PPID: variants seen among roughly 807,000 people sequenced by gnomAD.
PPID encodes peptidyl-prolyl cis-trans isomerase D.
Under a neutral mutation model 48.1 loss-of-function variants are expected in PPID, and 47 were observed. That is an observed-to-expected ratio of 0.98 (90% CI 0.77 to 1.25). PPID has a LOEUF of 1.25. Ranked by LOEUF, PPID falls within the 50% of genes most tolerant of loss-of-function variation. The pLI, the probability that PPID is intolerant of heterozygous loss-of-function variation, is 0.00. For missense variants in PPID, 429 were observed against 443.5 expected, an observed-to-expected ratio of 0.97 and a Z score of 0.29; for synonymous variants, 163 against 148.8, an observed-to-expected ratio of 1.10 and a Z score of -0.69.
Position 158,721,425 on chromosome 4 carries a change from A to G in PPID, c.144T>C (p.Phe48=), listed in dbSNP as rs1313424698. 3 of 1,614,042 alleles carry G rather than the reference A, an allele frequency of 1.9e-6. No individual in the cohort carries two copies. The African/African-American group carries it at 4.0e-5, about 22-fold the overall frequency. ...CTTTTTCTCCTGTACACAGTGCACG[A>G]AAATTTTCCGCAGTTTTGGGTACGA... ...ADIVPKTAEN[F]RALCTGEKGI... Residue 48 remains phenylalanine, a synonymous_variant, in exon 2 of 10, where the codon TTT becomes TTC. Coordinates refer to ENST00000307720, the MANE Select transcript of PPID (RefSeq NM_005038.3).
rs183376350 is a variant in PPID at position 158,723,338 on chromosome 4, G to A, written c.-50C>T. 1.2e-5 allele frequency: 19 copies of A among 1,550,814 alleles called. No individual in the cohort carries two copies. In the African/African-American group the frequency reaches 1.6e-4, roughly 13 times the overall value. ...CGGAATATCAGAGTACCTAGTGGCC[G>A]CCCGGGCCGCCCAAACTCCAGAGTC... On this transcript the variant is annotated 5_prime_UTR_variant, in exon 1 of 10. Transcript: ENST00000307720.
At chr4:158,709,943 C>A in intron 9 of PPID, 119 bp from the exon 10 acceptor site, 1 of 701,740 alleles carries the variant, frequency 1.4e-6, no homozygotes, top group Non-Finnish European at 2.3e-6. Context: ...AGTAACTAAG[C>A]CCTAGTAACA....
intron 9 of PPID, chr4:158,710,266 A>G: frequency 2.7e-6 from 1 of 365,900 alleles, no homozygotes; most frequent in South Asian, 3.5e-5. Flanking sequence ...TAAATTTACC[A>G]TGAATACTGT....
At chr4:158,711,820 A>C (rs1774795278) in intron 7 of PPID, among the ~76,000 whole-genome samples, 8 of 152,112 alleles carry the variant, frequency 5.3e-5, no homozygotes, top group Admixed American at 5.2e-4. Flanking sequence ...TTTAAAAATC[A>C]GCTGGGTATG....
In PPID at chr4:158,709,812, T is replaced by C; in HGVS notation, c.1037A>G (p.Glu346Gly). The C allele has an allele frequency of 6.2e-7, 1 of 1,608,910 alleles. No individual in the cohort carries two copies. The highest frequency in any genetic ancestry group is 1.1e-5 in the South Asian group (1 of 90,928). Reference sequence around the variant, plus strand: ...TATCTTTTGTTTGACTTTCAGCAATTCTGCCTGGATAGCTGTAAAATAAAT... The same window carrying C: ...TATCTTTTGTTTGACTTTCAGCAATCCTGCCTGGATAGCTGTAAAATAAAT... ...IAPEDKAIQAELLKVKQKIKA... is the reference protein window; with the variant it reads ...IAPEDKAIQAGLLKVKQKIKA... The change falls in exon 10 of 10, where the codon GAA becomes GGA. Residue 346 changes from glutamate to glycine, a missense_variant. Transcript: ENST00000307720.
intron 6 of PPID, 73 bp downstream of exon 6, chr4:158,715,224 T>C: frequency 8.2e-7 from 1 of 1,216,564 alleles, no homozygotes; most frequent in Non-Finnish European, 1.1e-6. Context: ...AAAAATATAA[T>C]GAGCAATTCT....
At chr4:158,716,297 A>G (rs760818580) in intron 4 of PPID, among the ~76,000 whole-genome samples, 20 of 152,114 alleles carry the variant, frequency 1.3e-4, no homozygotes, top group African/African-American at 1.9e-4. Flanking sequence ...GTCTAAACCC[A>G]TAAGTAATTT....
intron 3 of PPID, among the ~76,000 whole-genome samples, chr4:158,717,653 G>A (rs778969585): frequency 9.2e-5 from 14 of 152,166 alleles, no homozygotes; most frequent in Non-Finnish European, 1.9e-4. Flanking sequence ...TACAGTATAA[G>A]TCTTCCTTTA....
rs143598550 is a variant in PPID, at chr4:158,715,980, T to C, written c.523-296A>G. ...AGCTTCCGGTTTACTACTATTCTTG[T>C]CATACACTGAGTGACAGCCTACCTC... On this transcript the variant is annotated intron_variant, in intron 4 of 9. Coordinates refer to ENST00000307720, the MANE Select transcript of PPID (RefSeq NM_005038.3). 3.5e-3 allele frequency among the ~76,000 whole-genome samples: 536 copies of C among 152,348 alleles called. 3 individuals are homozygous for C. Among genetic ancestry groups the C allele is most frequent in the African/African-American group, 0.012 (503 of 41,582 alleles).
intron 9 of PPID, chr4:158,710,411 A>T: frequency 1.7e-6 from 1 of 602,016 alleles, no homozygotes; most frequent in East Asian, 2.8e-5. Flanking sequence ...AACGTGAAAA[A>T]CTACTATATT....
chr4:158,715,586 CT>C lies in PPID; in HGVS notation c.620del (p.Glu207GlyfsTer5). The C allele has an allele frequency of 6.2e-7, 1 of 1,613,966 alleles. No homozygotes were observed. Among genetic ancestry groups the C allele is most frequent in the Non-Finnish European group, 8.5e-7 (1 of 1,179,852 alleles). On this transcript the variant is annotated frameshift_variant, in exon 5 of 10. Transcript: ENST00000307720. LOFTEE classifies it high-confidence loss of function. ...GSGDSHPDFP[E>X]DADIDLKDVD... ...CATCTTTTAAATCTATATCCGCATC[CT>C]CAGGGAAATCTGGATGACTGTCGCC...
intron 1 of PPID, 63 bp downstream of exon 1, chr4:158,723,141 C>A (rs1402433057): frequency 2.7e-6 from 4 of 1,484,594 alleles, no homozygotes; most frequent in African/African-American, 1.4e-5. Context: ...CCCTTGGAAT[C>A]CCCCAAATCC....
At position 158,715,615 on chromosome 4, in the gene PPID, A is replaced by G. The variant is rs763894272; in HGVS notation, c.592T>C (p.Ser198Pro). ...DDGGIFPKDG[S>P]GDSHPDFPED... Reference sequence around the variant, plus strand: ...GGGAAATCTGGATGACTGTCGCCAGAGCCATCTTTTGGGAATATTCCCCCG... The same window carrying G: ...GGGAAATCTGGATGACTGTCGCCAGGGCCATCTTTTGGGAATATTCCCCCG... The change falls in exon 5 of 10, where the codon TCT becomes CCT. Residue 198 changes from serine (S) to proline (P), a missense_variant. Transcript: ENST00000307720. The G allele has an allele frequency of 9.3e-6, 15 of 1,613,540 alleles. No homozygotes were observed. The highest frequency in any genetic ancestry group is 3.3e-5 in the Admixed American group (2 of 60,032).
At chr4:158,721,320 A>G (rs1446179755) in intron 2 of PPID, 23 bp downstream of exon 2, 25 of 1,610,658 alleles carry the variant, frequency 1.6e-5, no homozygotes, top group Non-Finnish European at 2.0e-5. Flanking sequence ...AAGAATAACA[A>G]GATTAAGAAA....
chr4:158,709,885 A>G, intron 9 of PPID, 61 bp from the exon 10 acceptor site: 1 of 1,381,014 alleles, frequency 7.2e-7, no homozygotes, highest in Non-Finnish European at 1.0e-6. Context: ...TATGGTGACT[A>G]ACAAACTATT....
rs142524287 is a variant in PPID, at chr4:158,713,925, T to G, written c.753-665A>C. 9.2e-3 allele frequency among the ~76,000 whole-genome samples: 1,402 copies of G among 152,104 alleles called. 16 individuals carry two copies. The highest frequency in any genetic ancestry group is 0.031 in the African/African-American group (1,290 of 41,482). ...TGAAAACTACCCATAAGATATCCTC[T>G]AGTCCCTGCTACTTGGGAAGGTGAG... On this transcript the variant is annotated intron_variant, in intron 6 of 9. Coordinates refer to ENST00000307720, the MANE Select transcript of PPID (RefSeq NM_005038.3).
chr4:158,715,976 C>A (rs1049722731), intron 4 of PPID, among the ~76,000 whole-genome samples: 4 of 152,202 alleles, frequency 2.6e-5, no homozygotes, highest in Admixed American at 1.3e-4. Context: ...TACTACTATT[C>A]TTGTCATACA....
At chr4:158,715,472 TGA>T in intron 5 of PPID, 69 bp from the exon 6 acceptor site, 1 of 1,541,678 alleles carries the variant, frequency 6.5e-7, no homozygotes, top group Non-Finnish European at 8.9e-7. Context: ...TTCTATCATA[TGA>T]GAGACTGAAA....
intron 9 of PPID, chr4:158,710,272 A>ACTGT (rs2126325507): frequency 2.7e-6 from 1 of 374,948 alleles, no homozygotes; most frequent in Admixed American, 4.4e-5. Context: ...TACCATGAAT[A>ACTGT]CTGTGTCTTA....
Sources: gnomAD v4.1 joint callset for allele counts (sites outside exome capture counted in the v4.1 genomes callset) on GRCh38, gnomAD v4.1.1 for gene constraint, MANE v1.5 for transcripts, NCBI Gene and HGNC (gene_info 2026-07-23, HGNC 2026-07-21) for gene names.